CPEB2: variants seen among roughly 807,000 people sequenced by gnomAD.
The protein encoded by CPEB2 is cytoplasmic polyadenylation element binding protein 2.
A neutral mutation model predicts 93.6 loss-of-function variants in CPEB2; 56 were observed. The ratio of observed to expected loss-of-function variants is 0.60; its 90% CI spans 0.48 to 0.75. The LOEUF is 0.75. Among genes scored for constraint, CPEB2 ranks in the 30% least tolerant of loss-of-function variants. CPEB2 has a pLI of 0.00. For synonymous variants in CPEB2, 764 were observed against 586.3 expected (o/e 1.30, Z -4.38); for missense variants, 1,579 against 1,395.1 (o/e 1.13, Z -2.10).
chr4:15,054,914 T>G (rs962304830), intron 8 of CPEB2, among the ~76,000 whole-genome samples: 4 of 152,186 alleles, frequency 2.6e-5, no homozygotes, highest in Admixed American at 6.5e-5. Context: ...ATTAAGACTT[T>G]ACTTTAAACA....
chr4:15,033,249 T>G (rs757403760), intron 5 of CPEB2, 38 bp downstream of exon 5: 6 of 1,294,494 alleles, frequency 4.6e-6, no homozygotes, highest in South Asian at 3.6e-5. Context: ...TCCAGTTGAT[T>G]TATGTAAAGA....
chr4:15,034,035 G>C (rs1726371165), intron 5 of CPEB2, among the ~76,000 whole-genome samples: 1 of 152,178 alleles, frequency 6.6e-6, no homozygotes, highest in Non-Finnish European at 1.5e-5. Context: ...TACATGTGAA[G>C]CTAGACTATG....
chr4:15,011,076 A>G (rs1365181682), intron 3 of CPEB2, among the ~76,000 whole-genome samples: 1 of 151,116 alleles, frequency 6.6e-6, no homozygotes, highest in East Asian at 1.9e-4. Context: ...TGAGTATTAC[A>G]TACATATCTC....
At chr4:15,008,678 T>A (rs574687214) in intron 3 of CPEB2, among the ~76,000 whole-genome samples, 1 of 152,336 alleles carries the variant, frequency 6.6e-6, no homozygotes, top group Non-Finnish European at 1.5e-5. Context: ...AGGAATTATA[T>A]ACACAAGAGC....
intron 8 of CPEB2, among the ~76,000 whole-genome samples, chr4:15,055,092 G>A (rs979306470): frequency 2.6e-5 from 4 of 152,120 alleles, no homozygotes; most frequent in Non-Finnish European, 5.9e-5. Context: ...TAAAAACTAG[G>A]TACAGGTTTC....
intron 5 of CPEB2, among the ~76,000 whole-genome samples, chr4:15,039,015 G>A (rs1030773779): frequency 1.9e-4 from 29 of 152,118 alleles, no homozygotes; most frequent in African/African-American, 7.0e-4. Flanking sequence ...AAAATACTAA[G>A]TGCTACTTTC....
rs1276822191 is a variant in CPEB2 at position 15,003,062 on chromosome 4, G to A, written c.389G>A (p.Gly130Asp). The A allele has an allele frequency of 2.6e-6, 4 of 1,524,084 alleles. No homozygotes were observed. Among genetic ancestry groups the A allele is most frequent in the Non-Finnish European group, 3.5e-6 (4 of 1,143,246 alleles). The allele number at this position is 1,524,084 out of a possible 1,614,324, so 94.4% of individuals were successfully genotyped here. A position where few individuals can be genotyped will look rare whatever the true frequency, so the allele number is the denominator to read the frequency against. The change falls in exon 1 of 12, where the codon GGT becomes GAT. Residue 130 changes from glycine (G) to aspartate (D), a missense_variant. Around this residue, in one of 2 missense-constraint regions of CPEB2, gnomAD observed 1,411 missense variants for 1,056.0 expected, o/e 1.34. Transcript: ENST00000538197. Reference sequence around the variant, plus strand: ...CACCCCGGCGGCGGCACGATCGCGGGTGTGACCCACCTCCTCCCCTCCCAG... The same window carrying A: ...CACCCCGGCGGCGGCACGATCGCGGATGTGACCCACCTCCTCCCCTCCCAG... ...DHHPGGGTIA[G>D]VTHLLPSQDF...
intron 6 of CPEB2, among the ~76,000 whole-genome samples, chr4:15,045,193 A>G (rs1210351306): frequency 6.6e-6 from 1 of 152,048 alleles, no homozygotes; most frequent in Non-Finnish European, 1.5e-5. Context: ...TTTGTAAATC[A>G]TTCTCTTTTA....
At chr4:15,037,176 G>C (rs1418514009) in intron 5 of CPEB2, among the ~76,000 whole-genome samples, 1 of 152,054 alleles carries the variant, frequency 6.6e-6, no homozygotes, top group Non-Finnish European at 1.5e-5. Context: ...GGTGGTGGGT[G>C]CCTGTAGTCC....
intron 6 of CPEB2, among the ~76,000 whole-genome samples, chr4:15,043,684 A>G (rs977294981): frequency 3.9e-5 from 6 of 152,078 alleles, no homozygotes; most frequent in African/African-American, 7.2e-5. Context: ...ACTGTGTTCC[A>G]AAAGGAATAA....
Position 15,004,149 on chromosome 4 carries a change from C to G in CPEB2, c.1476C>G (p.Phe492Leu). The part of the protein sequence containing the change: ...GGGGGGFGGP[F>L]SATAVPPPPP... ...GCGGCGGCGGCTTCGGCGGCCCCTT[C>G]TCGGCTACCGCTGTGCCCCCTCCGC... The change falls in exon 1 of 12, where the codon TTC becomes TTG. Residue 492 changes from phenylalanine (F) to leucine (L), a missense_variant. Phe to Leu is a conservative substitution (Grantham distance 22). Coordinates refer to ENST00000538197, the MANE Select transcript of CPEB2 (RefSeq NM_001177382.2). The G allele has an allele frequency of 7.2e-7, 1 of 1,396,784 alleles. No individual in the cohort carries two copies. The allele number at this position is 1,396,784 out of a possible 1,614,324, so 86.5% of individuals were successfully genotyped here. A position where few individuals can be genotyped will look rare whatever the true frequency, so the allele number is the denominator to read the frequency against.
intron 1 of CPEB2, among the ~76,000 whole-genome samples, chr4:15,004,711 G>A (rs904327486): frequency 5.3e-5 from 8 of 151,836 alleles, no homozygotes; most frequent in African/African-American, 1.4e-4. Context: ...CCTAGCTGGC[G>A]CACCCCGGGA....
intron 11 of CPEB2, 130 bp downstream of exon 11, chr4:15,062,390 T>C (rs1261199858): frequency 3.7e-6 from 2 of 538,800 alleles, no homozygotes; most frequent in East Asian, 6.4e-5. Flanking sequence ...TAAAGGATAT[T>C]ATATAAAAAT....
rs546916519 is a variant in CPEB2 at position 15,027,999 on chromosome 4, C to T, written c.2126-5162C>T. ...GTTTAACCACTGCACCATAGTGTCT[C>T]CCTTTTGATCTGTTGCTAATTCTAA... On this transcript the variant is annotated intron_variant, in intron 4 of 11. Transcript: ENST00000538197. 4.6e-5 allele frequency among the ~76,000 whole-genome samples: 7 copies of T among 152,210 alleles called. No homozygotes were observed. In the East Asian group the frequency reaches 1.4e-3, roughly 29 times the overall value.
At position 15,059,228 on chromosome 4, in the gene CPEB2, A is replaced by G; in HGVS notation, c.2622A>G (p.Val874=). Reference sequence around the variant, plus strand: ...GGAATTTAAGTGATAGTGATTTTGTAATGGATGGTTCTCAGCCTTTGGATC... The same window carrying G: ...GGAATTTAAGTGATAGTGATTTTGTGATGGATGGTTCTCAGCCTTTGGATC... ...RPWNLSDSDF[V]MDGSQPLDPR... Residue 874 remains valine (V), a synonymous_variant, in exon 10 of 12, where the codon GTA becomes GTG. Transcript: ENST00000538197. The G allele has an allele frequency of 6.2e-7, 1 of 1,612,284 alleles. No individual in the cohort carries two copies. The highest frequency in any genetic ancestry group is 8.5e-7 in the Non-Finnish European group (1 of 1,178,800).
chr4:15,052,382 G>C (rs775274298), intron 6 of CPEB2, 32 bp from the exon 7 acceptor site: 4 of 1,327,176 alleles, frequency 3.0e-6, no homozygotes, highest in East Asian at 2.8e-5. Flanking sequence ...TCTCAGATCT[G>C]AGATTCAAGT....
At chr4:15,007,150 A>C (rs957287876) in intron 1 of CPEB2, among the ~76,000 whole-genome samples, 155 bp from the exon 2 acceptor site, 3 of 152,228 alleles carry the variant, frequency 2.0e-5, no homozygotes, top group Non-Finnish European at 4.4e-5. Context: ...TCACATAGAA[A>C]GATCTCAAGA....
intron 4 of CPEB2, among the ~76,000 whole-genome samples, chr4:15,023,045 A>C (rs1478746997): frequency 1.3e-5 from 2 of 152,014 alleles, no homozygotes; most frequent in Admixed American, 6.6e-5. Context: ...TGACAGACTG[A>C]AATTTTTTTG....
chr4:15,038,327 T>C (rs1025166974), intron 5 of CPEB2, among the ~76,000 whole-genome samples: 1 of 152,218 alleles, frequency 6.6e-6, no homozygotes, highest in Non-Finnish European at 1.5e-5. Context: ...ATTTTCTCAA[T>C]AGGTCAATAA....
Sources: gnomAD v4.1 joint callset for allele counts (sites outside exome capture counted in the v4.1 genomes callset) on GRCh38, gnomAD v4.1.1 for gene constraint, gnomAD v4.1.1 regional missense constraint, MANE v1.5 for transcripts, NCBI Gene and HGNC (gene_info 2026-07-23, HGNC 2026-07-21) for gene names.